The following KLC2 variants were observed in gnomAD, a reference collection of about 807,000 sequenced individuals.
KLC2 encodes the protein kinesin light chain 2.
In KLC2, 35 loss-of-function variants were observed where a neutral mutation model predicts 75.1. The ratio of observed to expected loss-of-function variants is 0.47; its 90% CI spans 0.36 to 0.62. The LOEUF is 0.62. KLC2 is among the 20% of genes least tolerant of loss of function. The pLI is 0.00. For missense variants in KLC2, 611 were observed against 833.2 expected (o/e 0.73, Z 3.28); for synonymous variants, 314 against 336.7 (o/e 0.93, Z 0.74).
At chr11:66,262,070 C>T (rs998016734) in intron 3 of KLC2, 53 bp from the exon 4 acceptor site, 1 of 1,592,658 alleles carries the variant, frequency 6.3e-7, no homozygotes, top group African/African-American at 1.3e-5. Flanking sequence ...CCCATGGACA[C>T]CCCGGCTGCC....
chr11:66,266,989 A>ACCTGGCACACCCC lies in KLC2; in HGVS notation c.*37_*49dup. The ACCTGGCACACCCC allele has an allele frequency of 1.9e-6, 3 of 1,607,434 alleles. No homozygotes were observed. Among genetic ancestry groups the ACCTGGCACACCCC allele is most frequent in the Non-Finnish European group, 2.5e-6 (3 of 1,179,668 alleles). ...GGGGCAGCCAGTCACCAGAGCGCCC[A>ACCTGGCACACCCC]CCTGGCACACCCCCCTCACCCCAGC... On this transcript the variant is annotated 3_prime_UTR_variant, in exon 16 of 16. Coordinates refer to ENST00000394067, the MANE Select transcript of KLC2 (RefSeq NM_001318734.2).
the KLC2 span, chr11:66,246,108 A>G: frequency 6.6e-6 from 1 of 152,476 alleles, no homozygotes. Flanking sequence ...AATGAAAATC[A>G]TACCTGCCTT....
Position 66,261,400 on chromosome 11 carries a change from G to A in KLC2, c.229-342G>A, listed in dbSNP as rs1033357184. The A allele has an allele frequency of 3.1e-5, 7 of 225,180 alleles. 1 individual carries two copies. The highest frequency in any genetic ancestry group is 4.5e-5 in the African/African-American group (2 of 44,774). The allele number at this position is 225,180 out of a possible 1,614,324, so 13.9% of individuals were successfully genotyped here. A position where few individuals can be genotyped will look rare whatever the true frequency, so the allele number is the denominator to read the frequency against. ...CTGAGGCAGGGAGCAGTAACCTACT[G>A]GCTGTGGCAGCAGAGGCTTGAGTAC... is the stretch of plus-strand genomic sequence containing the variant. On this transcript the variant is annotated intron_variant, in intron 2 of 15. Transcript: ENST00000394067.
rs762906402 is a variant in KLC2 at position 66,263,835 on chromosome 11, G to A, written c.841-16G>A. The A allele has an allele frequency of 1.1e-5, 18 of 1,612,288 alleles. No individual in the cohort carries two copies. The highest frequency in any genetic ancestry group is 2.2e-5 in the South Asian group (2 of 91,064). ...GCAGGGCCTGAGTCAAGAAGCTTCC[G>A]TTCTCCCACCTCCAGGTGGCTGCGA... On this transcript the variant is annotated splice_polypyrimidine_tract_variant and intron_variant, in intron 6 of 15. Transcript: ENST00000394067.
chr11:66,263,807 C>A lies in KLC2; in HGVS notation c.841-44C>A, dbSNP rs748780931. ...CCCCATCCCCTGCAGGTCCCAGAGTCCTGCAGGGCCTGAGTCAAGAAGCTT... is the reference window on the plus strand; with the variant it reads ...CCCCATCCCCTGCAGGTCCCAGAGTACTGCAGGGCCTGAGTCAAGAAGCTT... On this transcript the variant is annotated intron_variant, in intron 6 of 15. Coordinates refer to ENST00000394067, the MANE Select transcript of KLC2 (RefSeq NM_001318734.2). 3 of 1,604,114 alleles carry A rather than the reference C, an allele frequency of 1.9e-6. No individual in the cohort carries two copies. In the Admixed American group the frequency reaches 5.0e-5, roughly 27 times the overall value.
upstream of KLC2, chr11:66,257,266 C>G (rs1480468753): frequency 6.6e-6 from 1 of 152,148 alleles, no homozygotes; most frequent in Non-Finnish European, 1.5e-5. Context: ...GGATGTGACC[C>G]CGGGATGCGG....
intron 10 of KLC2, 42 bp from the exon 11 acceptor site, chr11:66,265,126 G>C: frequency 6.2e-7 from 1 of 1,610,382 alleles, no homozygotes. Flanking sequence ...GATGTGCAGA[G>C]GGGGGCCTGC....
Position 66,263,747 on chromosome 11 carries a change from C to T in KLC2, c.840C>T (p.Ala280=), listed in dbSNP as rs748469044. The T allele has an allele frequency of 9.3e-6, 15 of 1,613,118 alleles. No individual in the cohort carries two copies. Among genetic ancestry groups the T allele is most frequent in the East Asian group, 8.9e-5 (4 of 44,892 alleles). ...AAACACTGGGCAAGGACCACCCAGC[C>T]GTGAGTGAGGGTTGGGTGGGAGGTG... is the stretch of plus-strand genomic sequence containing the variant. ...REKTLGKDHP[A]VAATLNNLAV... is the part of the protein sequence containing the mutation. Residue 280 remains alanine (A), a splice_region_variant and synonymous_variant, in exon 6 of 16, where the codon GCC becomes GCT. Transcript: ENST00000394067.
intron 2 of KLC2, among the ~76,000 whole-genome samples, chr11:66,259,220 C>G (rs1856219899): frequency 6.6e-6 from 1 of 152,198 alleles, no homozygotes; most frequent in African/African-American, 2.4e-5. Context: ...AGACAAGATT[C>G]CTGCCCTATT....
upstream of KLC2, among the ~76,000 whole-genome samples, chr11:66,252,395 C>T (rs1263235665): frequency 6.6e-6 from 1 of 152,132 alleles, no homozygotes; most frequent in Non-Finnish European, 1.5e-5. Context: ...GCGCCATTCT[C>T]CTGCCTCAGC....
At chr11:66,256,706 G>A (rs965999029), upstream of KLC2, among the ~76,000 whole-genome samples, 3 of 152,346 alleles carry the variant, frequency 2.0e-5, no homozygotes, top group Admixed American at 1.3e-4. Context: ...GGTTTGAGAA[G>A]AACCTGGTTG....
At chr11:66,251,967 C>T in the KLC2 span, among the ~76,000 whole-genome samples, 1 of 152,136 alleles carries the variant, frequency 6.6e-6, no homozygotes, top group Non-Finnish European at 1.5e-5. Flanking sequence ...GGAGAGCTGA[C>T]GCTGGGGAGA....
At chr11:66,253,876 T>C (rs567153905), upstream of KLC2, among the ~76,000 whole-genome samples, 11 of 152,324 alleles carry the variant, frequency 7.2e-5, 1 homozygote, top group Admixed American at 2.6e-4. Context: ...AGCAGAACAA[T>C]TGGAGCCAGG....
rs550526509 is a variant in KLC2, at chr11:66,258,939, A to T, written c.228+117A>T. 5.7e-6 allele frequency: 4 copies of T among 697,618 alleles called. No homozygotes were observed. The South Asian group carries it at 7.3e-5, about 13-fold the overall frequency. The allele number at this position is 697,618 out of a possible 1,614,324, so 43.2% of individuals were successfully genotyped here. ...GGAACCGTCTGTTTCCTGGAGCCCC[A>T]TGTTAGGACCCCAGTAAATACCTTT... On this transcript the variant is annotated intron_variant, in intron 2 of 15. Transcript: ENST00000394067.
chr11:66,261,575 G>T (rs1856421247), intron 2 of KLC2, 167 bp from the exon 3 acceptor site: 3 of 593,054 alleles, frequency 5.1e-6, no homozygotes, highest in East Asian at 5.5e-5. Flanking sequence ...GTGTGTCGGG[G>T]GCCTTGAGGA....
At chr11:66,254,342 G>A (rs752893266), upstream of KLC2, among the ~76,000 whole-genome samples, 1 of 151,634 alleles carries the variant, frequency 6.6e-6, no homozygotes, top group Middle Eastern at 3.4e-3. Context: ...AATCCAGGGC[G>A]CACAGCACAG....
At chr11:66,264,300 TTGGCTGCA>T (rs1565173884) in intron 8 of KLC2, 37 bp from the exon 9 acceptor site, 3 of 1,581,314 alleles carry the variant, frequency 1.9e-6, no homozygotes, top group Non-Finnish European at 2.6e-6. Flanking sequence ...AGAAAAAGGC[TTGGCTGCA>T]TGCATCCCGC....
the KLC2 span, among the ~76,000 whole-genome samples, chr11:66,250,566 C>T: frequency 1.3e-5 from 2 of 152,062 alleles, no homozygotes; most frequent in Non-Finnish European, 2.9e-5. Context: ...TATACAGGAA[C>T]GCTAAGGCCA....
Position 66,267,618 on chromosome 11 carries a change from G to T in KLC2, c.*662G>T. ...CCTTAGTCCGTCCTCCCACCGCCGG[G>T]CCCTGCCCCGCATCCCGGCCTTATG... On this transcript the variant is annotated 3_prime_UTR_variant, in exon 16 of 16. Coordinates refer to ENST00000394067, the MANE Select transcript of KLC2 (RefSeq NM_001318734.2). 1.7e-6 allele frequency: 1 copy of T among 595,584 alleles called. No homozygotes were observed. The highest frequency in any genetic ancestry group is 2.0e-5 in the South Asian group (1 of 50,762). The allele number at this position is 595,584 out of a possible 1,614,324, so 36.9% of individuals were successfully genotyped here.
Sources: gnomAD v4.1 joint callset for allele counts (sites outside exome capture counted in the v4.1 genomes callset) on GRCh38, gnomAD v4.1.1 for gene constraint, MANE v1.5 for transcripts, NCBI Gene and HGNC (gene_info 2026-07-23, HGNC 2026-07-21) for gene names.